Variants in ULK4 observed in about 807,000 individuals in gnomAD.
The protein encoded by ULK4 is unc-51 like kinase 4, also known as inactive serine/threonine-protein kinase ULK4.
A neutral mutation model predicts 160.6 loss-of-function variants in ULK4; 133 were observed. The ratio of observed to expected loss-of-function variants is 0.83; its 90% CI spans 0.72 to 0.96. The LOEUF (loss-of-function observed/expected upper bound fraction) is 0.96. Among genes scored for constraint, ULK4 ranks in the 40% least tolerant of loss-of-function variants. ULK4 has a pLI of 0.00. For missense variants in ULK4, 1,580 were observed against 1,499.5 expected (o/e 1.05, Z -0.89); for synonymous variants, 534 against 539.8 (o/e 0.99, Z 0.15).
At chr3:41,462,226 G>T (rs1173694112) in intron 33 of ULK4, among the ~76,000 whole-genome samples, 1 of 152,124 alleles carries the variant, frequency 6.6e-6, no homozygotes, top group African/African-American at 2.4e-5. Context: ...TGGGGTCTAG[G>T]GAGTCATTCT....
rs368058800 is a variant in ULK4, at chr3:41,900,827, A to G, written c.1185T>C (p.Ile395=). 5 of 1,611,800 alleles carry G rather than the reference A, an allele frequency of 3.1e-6. No individual in the cohort carries two copies. In the African/African-American group the frequency reaches 6.7e-5, roughly 22 times the overall value. The stretch of plus-strand genomic sequence containing the variant: ...CCTGCTGACTCAGGTGTCCACTTGT[A>G]ATCTGAAATGAGAACAAAAATTAGA... The part of the protein sequence containing the change: ...SPQKTSPLTK[I]TSGHLSQQDL... Residue 395 remains isoleucine (I), a splice_region_variant and synonymous_variant, in exon 13 of 37, where the codon ATT becomes ATC. Transcript: ENST00000301831.
At chr3:41,531,941 G>T (rs947847681) in intron 32 of ULK4, among the ~76,000 whole-genome samples, 10 of 152,200 alleles carry the variant, frequency 6.6e-5, no homozygotes, top group Non-Finnish European at 1.5e-4. Context: ...CTAGTACAAT[G>T]GTTTTCTAAC....
Position 41,898,441 on chromosome 3 carries a change from T to C in ULK4, c.1339A>G (p.Thr447Ala), listed in dbSNP as rs761704095. ...KFDAKILHLP[T>A]YSVDKLLFLK... is the part of the protein sequence containing the mutation. The stretch of plus-strand genomic sequence containing the variant: ...TCCTTTATGATCCTACCTGAATATG[T>C]TGGTAGATGCAATATTTTTGCATCA... Residue 447 changes from threonine (T) to alanine (A), a missense_variant, in exon 14 of 37, where the codon ACA becomes GCA. Coordinates refer to ENST00000301831, the MANE Select transcript of ULK4 (RefSeq NM_017886.4). 2.5e-6 allele frequency: 4 copies of C among 1,593,268 alleles called. No homozygotes were observed. The highest frequency in any genetic ancestry group is 3.4e-6 in the Non-Finnish European group (4 of 1,168,226).
intron 35 of ULK4, among the ~76,000 whole-genome samples, chr3:41,280,217 T>A (rs1412408304): frequency 6.6e-6 from 1 of 152,126 alleles, no homozygotes; most frequent in Non-Finnish European, 1.5e-5. Flanking sequence ...ATGGGAGACT[T>A]TAATACCACA....
At chr3:41,707,962 A>T (rs1184566321) in intron 25 of ULK4, among the ~76,000 whole-genome samples, 2 of 152,160 alleles carry the variant, frequency 1.3e-5, no homozygotes, top group African/African-American at 4.8e-5. Flanking sequence ...CTATAATGAG[A>T]TATCACTTCA....
intron 29 of ULK4, among the ~76,000 whole-genome samples, chr3:41,677,441 C>T (rs146506055): frequency 4.0e-5 from 6 of 151,576 alleles, no homozygotes; most frequent in African/African-American, 9.7e-5. Flanking sequence ...ATGCCATTCT[C>T]CTGCCTCAGC....
At chr3:41,708,882 A>G (rs535560958) in intron 25 of ULK4, among the ~76,000 whole-genome samples, 21 of 152,344 alleles carry the variant, frequency 1.4e-4, no homozygotes, top group African/African-American at 4.6e-4. Context: ...TTTAAAATTA[A>G]ATTTTAAAAT....
rs1260373550 is a variant in ULK4 at position 41,702,173 on chromosome 3, AT to A, written c.2781+2883del. Among the ~76,000 whole-genome samples, 4 of 152,156 alleles carry A rather than the reference AT, an allele frequency of 2.6e-5. No homozygotes were observed. The East Asian group carries it at 7.7e-4, about 29-fold the overall frequency. ...TATGTATGTATTTATTTATTTATTT[AT>A]TTTGAAATAGAGTCTTGCTCTGTCA... is the stretch of plus-strand genomic sequence containing the variant. On this transcript the variant is annotated intron_variant, in intron 27 of 36. Coordinates refer to ENST00000301831, the MANE Select transcript of ULK4 (RefSeq NM_017886.4).
At chr3:41,626,670 G>A (rs536932507) in intron 30 of ULK4, among the ~76,000 whole-genome samples, 4 of 152,014 alleles carry the variant, frequency 2.6e-5, no homozygotes, top group African/African-American at 9.6e-5. Context: ...GACTACAGGC[G>A]CCCGCCACCA....
intron 31 of ULK4, among the ~76,000 whole-genome samples, chr3:41,573,164 T>A (rs2088063030): frequency 6.6e-6 from 1 of 152,178 alleles, no homozygotes; most frequent in African/African-American, 2.4e-5. Context: ...GCAGCAAAAT[T>A]CTAGTGTTTG....
chr3:41,275,854 C>CA (rs1271816819), intron 35 of ULK4, among the ~76,000 whole-genome samples: 1 of 152,242 alleles, frequency 6.6e-6, no homozygotes, highest in African/African-American at 2.4e-5. Context: ...CTGCTGCCAT[C>CA]AGCTCCCAGG....
At chr3:41,321,850 G>A (rs2125731110) in intron 35 of ULK4, among the ~76,000 whole-genome samples, 1 of 143,998 alleles carries the variant, frequency 6.9e-6, no homozygotes, top group East Asian at 2.0e-4. Flanking sequence ...GCAGGCCACT[G>A]TGCATGCGGA....
chr3:41,784,374 C>T (rs879559770), intron 21 of ULK4, among the ~76,000 whole-genome samples: 2 of 151,934 alleles, frequency 1.3e-5, no homozygotes, highest in Non-Finnish European at 2.9e-5. Context: ...GCGGAGGTTG[C>T]GGTGAGCCGA....
intron 2 of ULK4, among the ~76,000 whole-genome samples, chr3:41,954,327 G>A (rs1436124731): frequency 6.7e-6 from 1 of 148,686 alleles, no homozygotes; most frequent in Non-Finnish European, 1.5e-5. Flanking sequence ...TCCAGTCTGG[G>A]CAACAGAGAG....
At chr3:41,686,676 A>G (rs1056820421) in intron 27 of ULK4, among the ~76,000 whole-genome samples, 2 of 152,274 alleles carry the variant, frequency 1.3e-5, no homozygotes, top group African/African-American at 2.4e-5. Flanking sequence ...TCTGGCCCCA[A>G]ATCCCTGGAG....
intron 32 of ULK4, among the ~76,000 whole-genome samples, chr3:41,524,101 T>C (rs1418147826): frequency 6.6e-6 from 1 of 152,156 alleles, no homozygotes; most frequent in East Asian, 1.9e-4. Flanking sequence ...AGTAGCTTAG[T>C]GGTTGTCTAG....
chr3:41,402,022 A>G (rs1348624617), intron 34 of ULK4, among the ~76,000 whole-genome samples: 1 of 152,114 alleles, frequency 6.6e-6, no homozygotes, highest in Non-Finnish European at 1.5e-5. Context: ...CATTCACTTC[A>G]TGGTTGCAAA....
At chr3:41,548,677 A>T (rs1486899458) in intron 32 of ULK4, among the ~76,000 whole-genome samples, 3 of 12,550 alleles carry the variant, frequency 2.4e-4, no homozygotes. Context: ...CTCCCTGCCC[A>T]CTACTGCCAC....
At chr3:41,643,874 G>T (rs1045591838) in intron 30 of ULK4, among the ~76,000 whole-genome samples, 6 of 152,058 alleles carry the variant, frequency 3.9e-5, no homozygotes, top group East Asian at 1.9e-4. Flanking sequence ...TCATTGAGCA[G>T]TGGTTTGTAG....
Sources: gnomAD v4.1 joint callset for allele counts (sites outside exome capture counted in the v4.1 genomes callset) on GRCh38, gnomAD v4.1.1 for gene constraint, MANE v1.5 for transcripts, NCBI Gene and HGNC (gene_info 2026-07-23, HGNC 2026-07-21) for gene names.